TMTC2: variants seen among roughly 807,000 people sequenced by gnomAD.
TMTC2 encodes transmembrane O-mannosyltransferase targeting cadherins 2.
Under a neutral mutation model 82.4 loss-of-function variants are expected in TMTC2, and 43 were observed. The observed-to-expected ratio is 0.52, with a 90% CI of 0.41 to 0.67. TMTC2 has a LOEUF of 0.67. TMTC2 is among the 30% of genes least tolerant of loss of function. The probability of loss-of-function intolerance (pLI) is 0.00; values close to 1 mark genes in which losing one functional copy is unlikely to be tolerated. For synonymous variants in TMTC2, 408 were observed against 381.9 expected (o/e 1.07, Z -0.80); for missense variants, 919 against 1,012.4 (o/e 0.91, Z 1.25).
intron 2 of TMTC2, among the ~76,000 whole-genome samples, chr12:82,861,707 A>T (rs554931562): frequency 6.6e-6 from 1 of 152,340 alleles, no homozygotes; most frequent in South Asian, 2.1e-4. Flanking sequence ...GACTTACAAA[A>T]TAATATGGTT....
chr12:82,990,923 A>G (rs1879370457), intron 8 of TMTC2, among the ~76,000 whole-genome samples: 4 of 152,124 alleles, frequency 2.6e-5, no homozygotes, highest in African/African-American at 9.7e-5. Flanking sequence ...TCTGTGCTGA[A>G]AAAAAATGAA....
chr12:82,933,074 A>G (rs1057045352), intron 4 of TMTC2, among the ~76,000 whole-genome samples: 2 of 152,202 alleles, frequency 1.3e-5, no homozygotes, highest in African/African-American at 2.4e-5. Context: ...ATTGTTGGAA[A>G]TAGGTTATGT....
chr12:83,132,627 C>T lies in TMTC2; in HGVS notation c.*238C>T. The T allele has an allele frequency of 2.1e-6, 1 of 466,090 alleles. No individual in the cohort carries two copies. The highest frequency in any genetic ancestry group is 3.7e-6 in the Non-Finnish European group (1 of 268,908). 28.9% of individuals were successfully genotyped at this position (466,090 alleles called of 1,614,324 possible). Reference sequence around the variant, plus strand: ...GTCATTGTTACCCATAGACTGTAAACCAGAGCACTTAAAACAGAACCTTTT... The same window carrying T: ...GTCATTGTTACCCATAGACTGTAAATCAGAGCACTTAAAACAGAACCTTTT... On this transcript the variant is annotated 3_prime_UTR_variant, in exon 12 of 12. Coordinates refer to ENST00000321196, the MANE Select transcript of TMTC2 (RefSeq NM_152588.3).
intron 9 of TMTC2, among the ~76,000 whole-genome samples, chr12:83,040,999 A>G (rs1367024902): frequency 1.3e-5 from 2 of 152,104 alleles, no homozygotes; most frequent in African/African-American, 2.4e-5. Flanking sequence ...ACATTTTTCA[A>G]TACAAAAATG....
intron 1 of TMTC2, among the ~76,000 whole-genome samples, chr12:82,799,814 C>T (rs1021474647): frequency 6.6e-6 from 1 of 152,052 alleles, no homozygotes; most frequent in Non-Finnish European, 1.5e-5. Flanking sequence ...GCCGATGAAT[C>T]CCTCAGAGTT....
chr12:82,816,638 C>G (rs570942255), intron 1 of TMTC2, among the ~76,000 whole-genome samples: 1 of 152,014 alleles, frequency 6.6e-6, no homozygotes, highest in Non-Finnish European at 1.5e-5. Context: ...TGGGACCCAC[C>G]AAAAACCTGC....
At chr12:82,856,968 C>G in intron 1 of TMTC2, 42 bp from the exon 2 acceptor site, 1 of 1,544,886 alleles carries the variant, frequency 6.5e-7, no homozygotes, top group Non-Finnish European at 8.7e-7. Flanking sequence ...TTCTTTCTTT[C>G]TGTGTTTTAC....
At chr12:82,825,515 CT>C (rs1869364783) in intron 1 of TMTC2, among the ~76,000 whole-genome samples, 1 of 152,110 alleles carries the variant, frequency 6.6e-6, no homozygotes, top group South Asian at 2.1e-4. Context: ...CTGGAGCTTC[CT>C]TTTCTGCTTT....
intron 4 of TMTC2, among the ~76,000 whole-genome samples, chr12:82,937,044 C>T (rs1876357722): frequency 6.6e-6 from 1 of 152,110 alleles, no homozygotes; most frequent in African/African-American, 2.4e-5. Flanking sequence ...TTATAAAGAG[C>T]TTTCTTGAAT....
intron 1 of TMTC2, among the ~76,000 whole-genome samples, chr12:82,721,642 A>G (rs1445261849): frequency 6.6e-6 from 1 of 152,130 alleles, no homozygotes; most frequent in Non-Finnish European, 1.5e-5. Flanking sequence ...AATTTAGCAA[A>G]CTCCTTGACA....
chr12:82,847,429 G>A (rs1206431062), intron 1 of TMTC2, among the ~76,000 whole-genome samples: 1 of 152,066 alleles, frequency 6.6e-6, no homozygotes. Context: ...TATTAACCCA[G>A]CAATCCCATT....
At chr12:82,871,947 C>T (rs1872202631) in intron 2 of TMTC2, among the ~76,000 whole-genome samples, 1 of 151,508 alleles carries the variant, frequency 6.6e-6, no homozygotes, top group Non-Finnish European at 1.5e-5. Context: ...GGTAACCATT[C>T]TCCAGATAAT....
chr12:82,939,396 C>T (rs2137259455), intron 4 of TMTC2, among the ~76,000 whole-genome samples: 1 of 152,034 alleles, frequency 6.6e-6, no homozygotes, highest in Non-Finnish European at 1.5e-5. Flanking sequence ...CTAATTTAAG[C>T]CCTCTGTATT....
chr12:83,002,335 C>T (rs556384849), intron 8 of TMTC2, among the ~76,000 whole-genome samples: 1 of 152,196 alleles, frequency 6.6e-6, no homozygotes, highest in East Asian at 1.9e-4. Flanking sequence ...TTTGCATCTT[C>T]TCTGTCTTTT....
At chr12:82,880,619 GC>G (rs1872774932) in intron 2 of TMTC2, among the ~76,000 whole-genome samples, 3 of 152,114 alleles carry the variant, frequency 2.0e-5, no homozygotes, top group Admixed American at 6.5e-5. Context: ...CATGCACCTG[GC>G]AAAAACTTTT....
intron 4 of TMTC2, among the ~76,000 whole-genome samples, chr12:82,950,040 C>G (rs531183645): frequency 4.6e-5 from 7 of 152,228 alleles, no homozygotes; most frequent in Non-Finnish European, 1.0e-4. Context: ...AATTAAGAAG[C>G]AGTGTGTATA....
chr12:83,093,572 A>T (rs1883916426), intron 11 of TMTC2, among the ~76,000 whole-genome samples: 1 of 152,174 alleles, frequency 6.6e-6, no homozygotes, highest in African/African-American at 2.4e-5. Context: ...TGTTTCTGGG[A>T]GAGTCTAGAG....
chr12:82,983,832 CT>C (rs1197358001), intron 7 of TMTC2, among the ~76,000 whole-genome samples: 1 of 151,846 alleles, frequency 6.6e-6, no homozygotes, highest in African/African-American at 2.4e-5. Flanking sequence ...TCATTAATTG[CT>C]TTACATTGTT....
Position 82,790,298 on chromosome 12 carries a change from G to A in TMTC2, c.84-66712G>A, listed in dbSNP as rs139361141. ...GATTTCATTACTGTAATTGTGAGGG[G>A]GTGGATTGGGCCTGTAGGAGTTGGT... On this transcript the variant is annotated intron_variant, in intron 1 of 11. Coordinates refer to ENST00000321196, the MANE Select transcript of TMTC2 (RefSeq NM_152588.3). Among the ~76,000 whole-genome samples, 365 of 152,088 alleles carry A rather than the reference G, an allele frequency of 2.4e-3. 3 individuals are homozygous for A. Among genetic ancestry groups the A allele is most frequent in the South Asian group, 6.2e-3 (30 of 4,802 alleles).
Sources: allele counts gnomAD v4.1 joint callset (sites outside exome capture counted in the v4.1 genomes callset), GRCh38; gene constraint gnomAD v4.1.1; transcripts MANE v1.5; gene names NCBI Gene and HGNC (gene_info 2026-07-23, HGNC 2026-07-21).